Variants in SLC10A1 observed in about 807,000 individuals in gnomAD.
The protein encoded by SLC10A1 is solute carrier family 10 member 1.
Under a neutral mutation model 20.5 loss-of-function variants are expected in SLC10A1, and 36 were observed. That is an observed-to-expected ratio of 1.75 (90% CI 1.34 to 2.32). The LOEUF (loss-of-function observed/expected upper bound fraction) is 2.32, where lower values mean the gene tolerates loss of function less well. SLC10A1 is among the 30% of genes most tolerant of loss of function. SLC10A1 has a pLI of 0.00. For missense variants in SLC10A1, 545 were observed against 439.1 expected, an observed-to-expected ratio of 1.24 and a Z score of -2.16; for synonymous variants, 188 against 163.6, an observed-to-expected ratio of 1.15 and a Z score of -1.14.
At chr14:69,779,047 G>C (rs1883520131) in intron 3 of SLC10A1, 135 bp downstream of exon 3, 1 of 643,372 alleles carries the variant, frequency 1.6e-6, no homozygotes, top group Non-Finnish European at 2.6e-6. Context: ...TATAGTCCCA[G>C]TTACTTGGGG....
intron 1 of SLC10A1, 53 bp downstream of exon 1, chr14:69,796,747 A>T: frequency 1.4e-6 from 2 of 1,411,866 alleles, no homozygotes; most frequent in Non-Finnish European, 2.0e-6. Context: ...CAATTGTGAC[A>T]TATCTAATGT....
intron 1 of SLC10A1, among the ~76,000 whole-genome samples, chr14:69,795,449 A>C (rs1258129562): frequency 2.9e-5 from 4 of 139,692 alleles, no homozygotes; most frequent in African/African-American, 1.1e-4. Context: ...TCTGTTGCCC[A>C]GGCTGGAGTG....
intron 4 of SLC10A1, among the ~76,000 whole-genome samples, chr14:69,776,792 C>G (rs1340125015): frequency 6.6e-6 from 1 of 152,206 alleles, no homozygotes; most frequent in Non-Finnish European, 1.5e-5. Flanking sequence ...ATTGATCTAC[C>G]TCTTCTTGTC....
chr14:69,779,502 T>A (rs1051293671), intron 2 of SLC10A1, 142 bp from the exon 3 acceptor site: 40 of 441,450 alleles, frequency 9.1e-5, no homozygotes, highest in Non-Finnish European at 1.4e-4. Flanking sequence ...GACCTTTATC[T>A]TCTTTTTGGA....
chr14:69,792,239 T>G (rs1882289133), intron 1 of SLC10A1, among the ~76,000 whole-genome samples: 1 of 152,104 alleles, frequency 6.6e-6, no homozygotes, highest in South Asian at 2.1e-4. Flanking sequence ...TATTGGCAAA[T>G]TTGACTAAAT....
At chr14:69,787,525 A>G (rs890144086) in intron 1 of SLC10A1, among the ~76,000 whole-genome samples, 11 of 152,204 alleles carry the variant, frequency 7.2e-5, no homozygotes, top group African/African-American at 2.7e-4. Flanking sequence ...CATTATTTCT[A>G]TAAAGATGGA....
intron 2 of SLC10A1, among the ~76,000 whole-genome samples, chr14:69,783,622 T>G (rs747971106): frequency 2.6e-5 from 4 of 152,086 alleles, no homozygotes; most frequent in African/African-American, 7.2e-5. Flanking sequence ...AGTGCCACAT[T>G]AAGGAGTTTA....
chr14:69,776,507 A>G (rs1883451407), intron 4 of SLC10A1, 119 bp from the exon 5 acceptor site: 11 of 730,636 alleles, frequency 1.5e-5, no homozygotes, highest in Middle Eastern at 3.7e-4. Flanking sequence ...CTAAGTATAT[A>G]TTTTCCATCT....
At chr14:69,794,275 T>G (rs545127048) in intron 1 of SLC10A1, among the ~76,000 whole-genome samples, 1 of 152,338 alleles carries the variant, frequency 6.6e-6, no homozygotes, top group South Asian at 2.1e-4. Flanking sequence ...TACCTTCTTT[T>G]GAAAAGTGGG....
intron 1 of SLC10A1, among the ~76,000 whole-genome samples, chr14:69,788,711 AT>A (rs914087753): frequency 4.0e-5 from 6 of 151,730 alleles, no homozygotes; most frequent in Middle Eastern, 6.8e-3. Flanking sequence ...CGCCCGGCTA[AT>A]TTTTTTTGTA....
intron 3 of SLC10A1, 98 bp downstream of exon 3, chr14:69,779,084 C>T (rs1883521237): frequency 4.5e-6 from 4 of 887,836 alleles, no homozygotes; most frequent in Non-Finnish European, 6.6e-6. Context: ...TCAGTTAAAC[C>T]CTGGAGGTTG....
intron 2 of SLC10A1, 59 bp from the exon 3 acceptor site, chr14:69,779,419 T>TG: frequency 7.1e-7 from 1 of 1,406,704 alleles, no homozygotes; most frequent in East Asian, 2.4e-5. Context: ...GGAACAGAGG[T>TG]GGGGAAGCAC....
chr14:69,796,702 A>G, intron 1 of SLC10A1, 98 bp downstream of exon 1: 1 of 1,013,470 alleles, frequency 9.9e-7, no homozygotes, highest in Non-Finnish European at 1.5e-6. Flanking sequence ...GCCTGCATTC[A>G]CTCCTTTTCC....
At chr14:69,786,458 CTTCTT>C (rs1456699059) in intron 1 of SLC10A1, 151 bp from the exon 2 acceptor site, 46 of 645,352 alleles carry the variant, frequency 7.1e-5, no homozygotes, top group Non-Finnish European at 7.5e-5. Flanking sequence ...AGCATACTAT[CTTCTT>C]TTCGCTGACA....
At position 69,779,175 on chromosome 14, in the gene SLC10A1, T is replaced by TACCTACCG. The variant is rs1285902316; in HGVS notation, c.745_746+6dup. On this transcript the variant is annotated splice_region_variant and intron_variant, in intron 3 of 4. Coordinates refer to ENST00000216540, the MANE Select transcript of SLC10A1 (RefSeq NM_003049.4). ...GACCCTTTCTTAAAAAAAAAAAAAA[T>TACCTACCG]ACCTACCGTCCATTGAGGCAGAAGA... 2.0e-6 allele frequency: 3 copies of TACCTACCG among 1,520,918 alleles called. No homozygotes were observed. The African/African-American group carries it at 4.3e-5, about 22-fold the overall frequency. The allele number at this position is 1,520,918 out of a possible 1,614,324, so 94.2% of individuals were successfully genotyped here. A position where few individuals can be genotyped will look rare whatever the true frequency, so the allele number is the denominator to read the frequency against.
At position 69,795,430 on chromosome 14, in the gene SLC10A1, G is replaced by C. The variant is rs191577425; in HGVS notation, c.356+1370C>G. On this transcript the variant is annotated intron_variant, in intron 1 of 4. Transcript: ENST00000216540. ...TTTTTTTTTTTTTGAGAGAGAGACA[G>C]GGTCTCACTCTGTTGCCCAGGCTGG... Among the ~76,000 whole-genome samples, 81 of 142,440 alleles carry C rather than the reference G, an allele frequency of 5.7e-4. No individual in the cohort carries two copies. In the South Asian group the frequency reaches 8.3e-3, roughly 15 times the overall value. 93.4% of individuals were successfully genotyped at this position (142,440 alleles called of 152,430 possible). A position where few individuals can be genotyped will look rare whatever the true frequency, so the allele number is the denominator to read the frequency against.
intron 1 of SLC10A1, among the ~76,000 whole-genome samples, chr14:69,791,500 C>A (rs977973958): frequency 1.6e-4 from 25 of 152,148 alleles, no homozygotes; most frequent in Admixed American, 6.6e-4. Context: ...CGGGGTTTCA[C>A]CGTGTTAGCC....
intron 1 of SLC10A1, among the ~76,000 whole-genome samples, chr14:69,789,959 C>T (rs945823415): frequency 3.4e-5 from 5 of 146,534 alleles, no homozygotes; most frequent in South Asian, 2.1e-4. Flanking sequence ...TAAATAGGCA[C>T]CTCTGGCAAG....
chr14:69,796,366 C>T (rs1311829591), intron 1 of SLC10A1, among the ~76,000 whole-genome samples: 1 of 152,186 alleles, frequency 6.6e-6, no homozygotes. Context: ...ATTTGAGGTG[C>T]TCATTTGGTT....
Sources: gnomAD v4.1 joint callset for allele counts (sites outside exome capture counted in the v4.1 genomes callset) on GRCh38, gnomAD v4.1.1 for gene constraint, MANE v1.5 for transcripts, NCBI Gene and HGNC (gene_info 2026-07-23, HGNC 2026-07-21) for gene names.